The following CTCFL variants were observed in gnomAD, a reference collection of about 807,000 sequenced individuals.
The protein encoded by CTCFL is transcriptional repressor CTCFL.
A neutral mutation model predicts 67.4 loss-of-function variants in CTCFL; 36 were observed. The ratio of observed to expected loss-of-function variants is 0.53; its 90% CI spans 0.41 to 0.71. The LOEUF is 0.71. Among genes scored for constraint, CTCFL ranks in the 30% least tolerant of loss-of-function variants. The probability of loss-of-function intolerance (pLI) is 0.00; values close to 1 mark genes in which losing one functional copy is unlikely to be tolerated. For missense variants in CTCFL, 786 were observed against 835.2 expected (o/e 0.94, Z 0.73); for synonymous variants, 324 against 302.3 (o/e 1.07, Z -0.75).
Position 57,523,654 on chromosome 20 carries a change from C to T in CTCFL, c.543+9G>A. On this transcript the variant is annotated intron_variant, in intron 2 of 10. Coordinates refer to ENST00000243914, the MANE Select transcript of CTCFL (RefSeq NM_001386993.1). ...CATGTAAGGGGTTGTTTATTAAAACCAGCTGTACCTTGATCAGTCCAGTAG... is the reference window on the plus strand; with the variant it reads ...CATGTAAGGGGTTGTTTATTAAAACTAGCTGTACCTTGATCAGTCCAGTAG... 1 of 1,603,414 alleles carries T rather than the reference C, an allele frequency of 6.2e-7. No homozygotes were observed. The highest frequency in any genetic ancestry group is 1.1e-5 in the South Asian group (1 of 89,900).
intron 5 of CTCFL, among the ~76,000 whole-genome samples, chr20:57,516,624 G>A (rs1418678343): frequency 1.3e-5 from 2 of 152,190 alleles, no homozygotes. Flanking sequence ...CACAAGTCCT[G>A]CAGACTCCAC....
At chr20:57,513,261 A>C (rs911550372) in intron 7 of CTCFL, 1 of 985,776 alleles carries the variant, frequency 1.0e-6, no homozygotes, top group Non-Finnish European at 1.2e-6. Flanking sequence ...CGTTGTTAGA[A>C]GTCAGTGCCC....
chr20:57,525,640 G>A (rs1191927899), upstream of CTCFL: 1 of 56,732 alleles, frequency 1.8e-5, no homozygotes, highest in Non-Finnish European at 3.7e-5. Context: ...GATACTGGGG[G>A]GAGGGGTGGA....
chr20:57,520,166 G>A (rs2069246618), intron 3 of CTCFL, among the ~76,000 whole-genome samples: 2 of 152,162 alleles, frequency 1.3e-5, no homozygotes, highest in African/African-American at 4.8e-5. Flanking sequence ...AACCCTTGGG[G>A]GATCTGGTTT....
At chr20:57,519,529 G>A in intron 3 of CTCFL, 152 bp from the exon 4 acceptor site, 1 of 688,224 alleles carries the variant, frequency 1.5e-6, no homozygotes, top group Non-Finnish European at 2.5e-6. Context: ...AGCAATTCAG[G>A]ACACCATGTT....
chr20:57,504,553 A>G (rs1327245965), intron 9 of CTCFL, among the ~76,000 whole-genome samples: 1 of 151,838 alleles, frequency 6.6e-6, no homozygotes, highest in African/African-American at 2.4e-5. Flanking sequence ...AAGTGCTGAG[A>G]TTACAGGCGT....
chr20:57,514,825 TGCCCCAAGCCTCC>T, intron 6 of CTCFL, 84 bp from the exon 7 acceptor site: 3 of 1,148,432 alleles, frequency 2.6e-6, no homozygotes, highest in Non-Finnish European at 3.7e-6. Flanking sequence ...TTTTTTTTTT[TGCCCCAAGCCTCC>T]TTTATCAACC....
chr20:57,524,762 A>T, intron 1 of CTCFL: 2 of 987,510 alleles, frequency 2.0e-6, no homozygotes, highest in Middle Eastern at 5.2e-4. Flanking sequence ...AGAGCCAGGC[A>T]GGCTTTGGGC....
chr20:57,496,872 A>G (rs2146264469), downstream of CTCFL, among the ~76,000 whole-genome samples: 1 of 152,294 alleles, frequency 6.6e-6, no homozygotes, highest in Admixed American at 6.5e-5. Flanking sequence ...GGTTGTTTTC[A>G]TCTTTGACTA....
chr20:57,497,122 C>T (rs149716488), downstream of CTCFL: 12 of 480,990 alleles, frequency 2.5e-5, no homozygotes, highest in East Asian at 1.8e-3. Context: ...TCTCTCCAGA[C>T]AAAGAAGATG....
intron 8 of CTCFL, among the ~76,000 whole-genome samples, chr20:57,509,560 G>A (rs1221565108): frequency 4.6e-5 from 7 of 152,120 alleles, no homozygotes; most frequent in African/African-American, 1.7e-4. Context: ...ACTGTACCTG[G>A]CCTAAATAGA....
chr20:57,505,855 G>T (rs555679970), intron 9 of CTCFL, among the ~76,000 whole-genome samples: 1 of 152,194 alleles, frequency 6.6e-6, no homozygotes, highest in South Asian at 2.1e-4. Context: ...TTTTTGAAAA[G>T]GTCCTAGGCA....
intron 5 of CTCFL, among the ~76,000 whole-genome samples, chr20:57,518,330 A>G (rs1012096235): frequency 6.6e-6 from 1 of 152,198 alleles, no homozygotes; most frequent in African/African-American, 2.4e-5. Context: ...AAAAACAGAA[A>G]CGTCTACGCT....
intron 10 of CTCFL, among the ~76,000 whole-genome samples, chr20:57,500,767 G>A (rs2067872077): frequency 6.6e-6 from 1 of 152,120 alleles, no homozygotes; most frequent in African/African-American, 2.4e-5. Context: ...CCGACTGAGG[G>A]TGACATGTTC....
At chr20:57,514,826 GCC>G in intron 6 of CTCFL, 85 bp from the exon 7 acceptor site, 1 of 1,162,486 alleles carries the variant, frequency 8.6e-7, no homozygotes, top group Non-Finnish European at 1.2e-6. Flanking sequence ...TTTTTTTTTT[GCC>G]CCAAGCCTCC....
chr20:57,517,824 C>T (rs376076655), intron 5 of CTCFL, among the ~76,000 whole-genome samples: 27 of 151,952 alleles, frequency 1.8e-4, no homozygotes, highest in African/African-American at 6.0e-4. Flanking sequence ...TACTAAGCAC[C>T]GGCAGGACAC....
intron 9 of CTCFL, among the ~76,000 whole-genome samples, chr20:57,504,283 CCTT>C (rs2068078757): frequency 7.1e-6 from 1 of 141,506 alleles, no homozygotes; most frequent in Non-Finnish European, 1.5e-5. Context: ...CCCCCCGTCT[CCTT>C]TTTTTTTTTT....
chr20:57,503,928 G>GAA (rs756681835), intron 9 of CTCFL, among the ~76,000 whole-genome samples: 2 of 108,728 alleles, frequency 1.8e-5, no homozygotes, highest in Non-Finnish European at 2.0e-5. Context: ...CTGAGTGACA[G>GAA]AAAAAAAAAA....
At chr20:57,509,668 A>G (rs533592777) in intron 8 of CTCFL, among the ~76,000 whole-genome samples, 21 of 152,342 alleles carry the variant, frequency 1.4e-4, no homozygotes, top group African/African-American at 4.8e-4. Flanking sequence ...TTAAAATGTG[A>G]TGATTATTTG....
Sources: allele counts gnomAD v4.1 joint callset (sites outside exome capture counted in the v4.1 genomes callset), GRCh38; gene constraint gnomAD v4.1.1; transcripts MANE v1.5; gene names NCBI Gene and HGNC (gene_info 2026-07-23, HGNC 2026-07-21).